The following CHSY3 variants were observed in gnomAD, a reference collection of about 807,000 sequenced individuals.
CHSY3 encodes the protein N-acetylgalactosaminyl-proteoglycan 3-beta-glucuronosyltransferase 3.
A neutral mutation model predicts 67.2 loss-of-function variants in CHSY3; 35 were observed. The ratio of observed to expected loss-of-function variants is 0.52; its 90% CI spans 0.40 to 0.69. The LOEUF is 0.69. Among genes scored for constraint, CHSY3 ranks in the 30% least tolerant of loss-of-function variants. CHSY3 has a pLI of 0.00. For synonymous variants in CHSY3, 474 were observed against 434.7 expected, an observed-to-expected ratio of 1.09 and a Z score of -1.12; for missense variants, 1,069 against 1,138.5, an observed-to-expected ratio of 0.94 and a Z score of 0.88.
chr5:129,941,048 G>A (rs1447503739), intron 2 of CHSY3, among the ~76,000 whole-genome samples: 1 of 151,922 alleles, frequency 6.6e-6, no homozygotes, highest in Admixed American at 6.6e-5. Flanking sequence ...GGTAGAGCCT[G>A]TCTCTACAAA....
chr5:130,149,828 T>A (rs569059196), intron 2 of CHSY3, among the ~76,000 whole-genome samples: 1 of 152,356 alleles, frequency 6.6e-6, no homozygotes, highest in South Asian at 2.1e-4. Flanking sequence ...ACAAGTTTCT[T>A]TAATGAAATG....
intron 2 of CHSY3, among the ~76,000 whole-genome samples, chr5:130,103,635 G>A (rs1009741516): frequency 1.3e-5 from 2 of 151,904 alleles, no homozygotes; most frequent in African/African-American, 4.8e-5. Context: ...ATATGTATGT[G>A]TATACATGTA....
chr5:130,049,832 G>A (rs909041524), intron 2 of CHSY3, among the ~76,000 whole-genome samples: 5 of 150,990 alleles, frequency 3.3e-5, no homozygotes, highest in Middle Eastern at 3.2e-3. Flanking sequence ...ATTTAGGGAC[G>A]GGAAGAAATG....
chr5:129,919,396 G>A (rs1390689337), intron 2 of CHSY3, among the ~76,000 whole-genome samples: 2 of 152,144 alleles, frequency 1.3e-5, no homozygotes, highest in Non-Finnish European at 1.5e-5. Context: ...CATAGTTGGT[G>A]TATTAGTCTT....
chr5:130,105,990 G>C (rs76119379), intron 2 of CHSY3, among the ~76,000 whole-genome samples: 4,506 of 151,252 alleles, frequency 0.03, 197 homozygotes, highest in Admixed American at 0.078. Flanking sequence ...TGATAAACAG[G>C]GTTTTGGTTT....
chr5:130,161,208 G>A (rs1287900612), intron 2 of CHSY3, among the ~76,000 whole-genome samples: 2 of 152,122 alleles, frequency 1.3e-5, no homozygotes, highest in East Asian at 3.9e-4. Flanking sequence ...CCAGCCGATA[G>A]GTAATTGTTT....
intron 2 of CHSY3, among the ~76,000 whole-genome samples, chr5:129,996,123 A>G (rs1267548272): frequency 6.6e-6 from 1 of 152,178 alleles, no homozygotes; most frequent in Non-Finnish European, 1.5e-5. Flanking sequence ...AAAATGGGGT[A>G]ATAATACACT....
chr5:130,107,022 T>A (rs373456070), intron 2 of CHSY3, among the ~76,000 whole-genome samples: 5 of 151,514 alleles, frequency 3.3e-5, no homozygotes. Context: ...TGTAAGTCTC[T>A]ATTTCTGGAT....
chr5:130,128,251 T>C (rs1380027818), intron 2 of CHSY3, among the ~76,000 whole-genome samples: 4 of 150,178 alleles, frequency 2.7e-5, no homozygotes, highest in South Asian at 4.4e-4. Flanking sequence ...TGTGTGTGTG[T>C]GTGCGCTCAC....
intron 2 of CHSY3, among the ~76,000 whole-genome samples, chr5:130,155,475 A>G (rs1389839462): frequency 2.6e-5 from 4 of 152,184 alleles, no homozygotes; most frequent in African/African-American, 7.2e-5. Context: ...GTTTAATGCA[A>G]CCTTCCACTT....
At chr5:130,104,267 T>G (rs1246039686) in intron 2 of CHSY3, among the ~76,000 whole-genome samples, 1 of 151,912 alleles carries the variant, frequency 6.6e-6, no homozygotes, top group African/African-American at 2.4e-5. Context: ...TTAAAGCTGT[T>G]GATTAAACAC....
At chr5:129,911,843 T>C (rs1163321926) in intron 2 of CHSY3, among the ~76,000 whole-genome samples, 1 of 152,062 alleles carries the variant, frequency 6.6e-6, no homozygotes, top group East Asian at 1.9e-4. Flanking sequence ...GATCACTAGG[T>C]CAGGAGATCG....
chr5:130,054,721 A>G (rs1415871119), intron 2 of CHSY3, among the ~76,000 whole-genome samples: 1 of 152,238 alleles, frequency 6.6e-6, no homozygotes, highest in Non-Finnish European at 1.5e-5. Flanking sequence ...TATTAATGTT[A>G]TGAGAATAAT....
intron 2 of CHSY3, among the ~76,000 whole-genome samples, chr5:130,158,939 T>C (rs1253876342): frequency 6.6e-5 from 10 of 152,028 alleles, no homozygotes. Flanking sequence ...TAGCTGGAAC[T>C]GCAGGCATGT....
intron 2 of CHSY3, among the ~76,000 whole-genome samples, chr5:129,936,417 C>A (rs1761493863): frequency 6.6e-6 from 1 of 152,064 alleles, no homozygotes; most frequent in Non-Finnish European, 1.5e-5. Flanking sequence ...AGTTTTGGGT[C>A]AGCCCCTATC....
intron 2 of CHSY3, among the ~76,000 whole-genome samples, chr5:130,183,824 T>C (rs1770323705): frequency 6.6e-6 from 1 of 152,082 alleles, no homozygotes. Flanking sequence ...TAAATTCAAG[T>C]GATCTATTGA....
At chr5:130,088,063 G>A (rs1004580972) in intron 2 of CHSY3, among the ~76,000 whole-genome samples, 26 of 152,074 alleles carry the variant, frequency 1.7e-4, no homozygotes, top group African/African-American at 5.1e-4. Flanking sequence ...AAATAATGCC[G>A]CATATATACA....
intron 2 of CHSY3, among the ~76,000 whole-genome samples, chr5:130,156,199 T>G (rs1439091363): frequency 6.6e-6 from 1 of 152,234 alleles, no homozygotes; most frequent in Non-Finnish European, 1.5e-5. Flanking sequence ...ACGTTCAAGT[T>G]ACTGCTTATT....
chr5:130,055,099 T>C (rs1209358220), intron 2 of CHSY3, among the ~76,000 whole-genome samples: 1 of 152,146 alleles, frequency 6.6e-6, no homozygotes, highest in Non-Finnish European at 1.5e-5. Flanking sequence ...GTCTCTGTCT[T>C]CTGATACGTA....
Sources: allele counts gnomAD v4.1 joint callset (sites outside exome capture counted in the v4.1 genomes callset), GRCh38; gene constraint gnomAD v4.1.1; transcripts MANE v1.5; gene names NCBI Gene and HGNC (gene_info 2026-07-23, HGNC 2026-07-21).